SAMD7: variants seen among roughly 807,000 people sequenced by gnomAD.
The protein encoded by SAMD7 is sterile alpha motif domain containing 7.
SAMD7 carries 34 observed loss-of-function variants against 36.7 expected under a neutral mutation model. That is an observed-to-expected ratio of 0.93 (90% CI 0.71 to 1.23). SAMD7 has a LOEUF of 1.23. SAMD7 is among the 50% of genes most tolerant of loss of function. SAMD7 has a pLI of 0.00. For synonymous variants in SAMD7, 188 were observed against 189.7 expected (o/e 0.99, Z 0.07); for missense variants, 570 against 546.6 (o/e 1.04, Z -0.43).
rs781106693 is a variant in SAMD7, at chr3:169,938,422, T to C, written c.1257T>C (p.Asn419=). Residue 419 remains asparagine (N), a synonymous_variant, in exon 9 of 9, where the codon AAT becomes AAC. Transcript: ENST00000335556. ...PADTSPLLDP[N]SWSDTMNIFC... is the part of the protein sequence containing the mutation. Reference sequence around the variant, plus strand: ...ATACATCCCCTCTTCTGGATCCTAATTCCTGGAGTGATACAATGAACATTT... The same window carrying C: ...ATACATCCCCTCTTCTGGATCCTAACTCCTGGAGTGATACAATGAACATTT... 3.1e-6 allele frequency: 5 copies of C among 1,611,458 alleles called. No homozygotes were observed. In the African/African-American group the frequency reaches 5.3e-5, roughly 17 times the overall value.
chr3:169,915,639 C>T (rs1483499327), intron 2 of SAMD7, among the ~76,000 whole-genome samples, 198 bp downstream of exon 2: 6 of 124,334 alleles, frequency 4.8e-5, no homozygotes, highest in Non-Finnish European at 3.1e-5. Context: ...GGCTGGAGTG[C>T]AGCGGTGCGA....
intron 1 of SAMD7, among the ~76,000 whole-genome samples, chr3:169,913,809 T>C (rs1420064008): frequency 6.6e-6 from 1 of 152,214 alleles, no homozygotes; most frequent in Non-Finnish European, 1.5e-5. Flanking sequence ...AAGTTCACAT[T>C]TAAAGACTCG....
chr3:169,917,478 G>A (rs952060500), intron 2 of SAMD7, among the ~76,000 whole-genome samples: 6 of 151,330 alleles, frequency 4.0e-5, no homozygotes, highest in Admixed American at 1.3e-4. Flanking sequence ...ATATACTTAC[G>A]GGGGCACATG....
At chr3:169,932,615 T>C (rs1713546620) in intron 7 of SAMD7, 1 of 524,538 alleles carries the variant, frequency 1.9e-6, no homozygotes, top group South Asian at 1.5e-5. Context: ...GTGTTATTAC[T>C]ACCGAGAAAC....
At chr3:169,913,838 A>G (rs1031239619) in intron 1 of SAMD7, among the ~76,000 whole-genome samples, 4 of 152,234 alleles carry the variant, frequency 2.6e-5, no homozygotes, top group African/African-American at 4.8e-5. Context: ...CATATGACAC[A>G]GTACCCTCAA....
intron 7 of SAMD7, among the ~76,000 whole-genome samples, chr3:169,934,355 G>C (rs1713633455): frequency 6.6e-6 from 1 of 152,032 alleles, no homozygotes; most frequent in South Asian, 2.1e-4. Flanking sequence ...AGGAGGCAGG[G>C]CAAGATGGCC....
intron 7 of SAMD7, among the ~76,000 whole-genome samples, chr3:169,933,617 T>C (rs755426759): frequency 6.6e-6 from 1 of 152,180 alleles, no homozygotes; most frequent in African/African-American, 2.4e-5. Context: ...CCGGTGCATA[T>C]TGTGGAAAAA....
chr3:169,925,108 G>C lies in SAMD7; in HGVS notation c.262G>C (p.Glu88Gln), dbSNP rs757902889. 6.2e-7 allele frequency: 1 copy of C among 1,611,484 alleles called. No individual in the cohort carries two copies. The highest frequency in any genetic ancestry group is 2.2e-5 in the East Asian group (1 of 44,794). ...CATAAAGGCAGTGGCCAGAAGGAAT[G>C]AAATGATTCAACGGCATCATACTGC... ...ESIKAVARRN[E>Q]MIQRHHTART... The change falls in exon 5 of 9, where the codon GAA becomes CAA. Residue 88 changes from glutamate to glutamine, a missense_variant. Physicochemically the swap from Glu to Gln is conservative, Grantham distance 29. Coordinates refer to ENST00000335556, the MANE Select transcript of SAMD7 (RefSeq NM_001304366.2).
intron 3 of SAMD7, among the ~76,000 whole-genome samples, chr3:169,920,695 G>A (rs150105334): frequency 1.5e-3 from 235 of 152,174 alleles, no homozygotes; most frequent in African/African-American, 5.4e-3. Flanking sequence ...TGTTGTTGTT[G>A]TTTAGAATAT....
intron 7 of SAMD7, among the ~76,000 whole-genome samples, chr3:169,935,638 A>G (rs1348902998): frequency 6.6e-6 from 1 of 152,236 alleles, no homozygotes; most frequent in Non-Finnish European, 1.5e-5. Flanking sequence ...GAGAAAGCTC[A>G]ACTGTGAATA....
At chr3:169,921,469 T>C in intron 4 of SAMD7, 131 bp downstream of exon 4, 1 of 839,416 alleles carries the variant, frequency 1.2e-6, no homozygotes. Flanking sequence ...GCAGTCTCTG[T>C]AGTCACCACC....
At chr3:169,934,279 T>A (rs1576838913) in intron 7 of SAMD7, among the ~76,000 whole-genome samples, 1 of 152,134 alleles carries the variant, frequency 6.6e-6, no homozygotes, top group Non-Finnish European at 1.5e-5. Context: ...CCTATTCAGA[T>A]AAGCAATGAT....
intron 7 of SAMD7, among the ~76,000 whole-genome samples, chr3:169,933,932 G>T (rs946958005): frequency 2.6e-5 from 4 of 152,264 alleles, no homozygotes; most frequent in African/African-American, 4.8e-5. Context: ...AGACCTGAAA[G>T]TCAAGAGGAG....
Position 169,928,466 on chromosome 3 carries a change from C to G in SAMD7, c.929C>G (p.Ala310Gly), listed in dbSNP as rs947872746. The G allele has an allele frequency of 4.6e-5, 74 of 1,611,250 alleles. No individual in the cohort carries two copies. The highest frequency in any genetic ancestry group is 6.2e-5 in the Non-Finnish European group (73 of 1,177,518). The change falls in exon 7 of 9, where the codon GCA becomes GGA. Residue 310 changes from alanine to glycine, a missense_variant. By Grantham distance (60) the Ala-to-Gly change is moderately conservative. Transcript: ENST00000335556. Reference protein sequence around the residue: ...VPRPSLPGTHALVTIGGNLSL... With the variant: ...VPRPSLPGTHGLVTIGGNLSL... ...TCTTTCCATTTTAAAGGAACACATG[C>G]ACTGGTTACAATTGGGGGGAATCTT... is the stretch of plus-strand genomic sequence containing the variant.
In SAMD7 at chr3:169,932,045, T is replaced by G. The variant is rs1402100079; in HGVS notation, c.1041+3467T>G. On this transcript the variant is annotated intron_variant, in intron 7 of 8. Coordinates refer to ENST00000335556, the MANE Select transcript of SAMD7 (RefSeq NM_001304366.2). ...TGCTGTTAGCAATTCCTGTCATCTT[T>G]ATCTTCACCAAAGTTTTCCTGATTG... The G allele has an allele frequency of 3.2e-5, 20 of 628,294 alleles. No individual in the cohort carries two copies. In the Admixed American group the frequency reaches 6.3e-4, roughly 20 times the overall value. The allele number at this position is 628,294 out of a possible 1,614,324, so 38.9% of individuals were successfully genotyped here.
chr3:169,924,528 A>G (rs1713175552), intron 4 of SAMD7, among the ~76,000 whole-genome samples: 4 of 152,204 alleles, frequency 2.6e-5, no homozygotes, highest in Admixed American at 1.3e-4. Context: ...TAGAGGTTGT[A>G]GTGAGCCAAG....
At chr3:169,933,806 G>C (rs1713611409) in intron 7 of SAMD7, among the ~76,000 whole-genome samples, 1 of 152,172 alleles carries the variant, frequency 6.6e-6, no homozygotes, top group Non-Finnish European at 1.5e-5. Flanking sequence ...CCAGAAGAGG[G>C]GCACCAGTGA....
chr3:169,937,293 G>A (rs1487035728), intron 8 of SAMD7, among the ~76,000 whole-genome samples: 1 of 151,810 alleles, frequency 6.6e-6, no homozygotes, highest in Non-Finnish European at 1.5e-5. Context: ...GGGTACATGT[G>A]CAGGTTTGTT....
chr3:169,935,300 G>T (rs1170448569), intron 7 of SAMD7, among the ~76,000 whole-genome samples: 1 of 152,146 alleles, frequency 6.6e-6, no homozygotes, highest in East Asian at 1.9e-4. Flanking sequence ...GAAGAGGAGA[G>T]ACTGAAGAGA....
Sources: gnomAD v4.1 joint callset for allele counts (sites outside exome capture counted in the v4.1 genomes callset) on GRCh38, gnomAD v4.1.1 for gene constraint, MANE v1.5 for transcripts, NCBI Gene and HGNC (gene_info 2026-07-23, HGNC 2026-07-21) for gene names.